Variants in TRHDE observed in about 807,000 individuals in gnomAD.
TRHDE encodes the protein thyrotropin-releasing hormone-degrading ectoenzyme.
In TRHDE, 72 loss-of-function variants were observed where a neutral mutation model predicts 125.7. The ratio of observed to expected loss-of-function variants is 0.57; its 90% CI spans 0.47 to 0.70. The LOEUF (loss-of-function observed/expected upper bound fraction) is 0.70. Among genes scored for constraint, TRHDE ranks in the 30% least tolerant of loss-of-function variants. The pLI is 0.00. For synonymous variants in TRHDE, 509 were observed against 509.1 expected, an observed-to-expected ratio of 1.00 and a Z score of 0.00; for missense variants, 1,110 against 1,327.1, an observed-to-expected ratio of 0.84 and a Z score of 2.54.
intron 15 of TRHDE, among the ~76,000 whole-genome samples, chr12:72,643,375 C>A (rs774729854): frequency 6.6e-6 from 1 of 152,168 alleles, no homozygotes; most frequent in African/African-American, 2.4e-5. Context: ...GATATCTCTG[C>A]TATGTGACGA....
chr12:72,599,743 A>G (rs1872131451), intron 12 of TRHDE, among the ~76,000 whole-genome samples: 1 of 151,840 alleles, frequency 6.6e-6, no homozygotes, highest in Admixed American at 6.6e-5. Context: ...GTCAATTTCT[A>G]TTTTTGTTGC....
chr12:72,351,959 C>T (rs910668374), intron 2 of TRHDE, among the ~76,000 whole-genome samples: 3 of 151,874 alleles, frequency 2.0e-5, no homozygotes, highest in African/African-American at 7.2e-5. Flanking sequence ...CATTCTTCTT[C>T]TGCAGATGTT....
At chr12:72,417,119 T>C (rs1873763770) in intron 3 of TRHDE, among the ~76,000 whole-genome samples, 2 of 152,090 alleles carry the variant, frequency 1.3e-5, no homozygotes, top group Non-Finnish European at 2.9e-5. Flanking sequence ...TTCATTTTAT[T>C]TGTAGCTACT....
intron 12 of TRHDE, among the ~76,000 whole-genome samples, chr12:72,618,367 G>A (rs1417443512): frequency 1.3e-5 from 2 of 152,080 alleles, no homozygotes; most frequent in East Asian, 1.9e-4. Flanking sequence ...TCGGTGTTAT[G>A]GAAAGCAACT....
At chr12:72,564,452 A>G (rs1423520317) in intron 9 of TRHDE, among the ~76,000 whole-genome samples, 1 of 152,158 alleles carries the variant, frequency 6.6e-6, no homozygotes, top group Non-Finnish European at 1.5e-5. Context: ...AGCATCACTG[A>G]TGCAGAAAAA....
intron 12 of TRHDE, among the ~76,000 whole-genome samples, chr12:72,616,360 C>T (rs1872810569): frequency 6.6e-6 from 1 of 151,812 alleles, no homozygotes; most frequent in Non-Finnish European, 1.5e-5. Flanking sequence ...AATTATTTTT[C>T]AGTAGATTAA....
chr12:72,417,183 T>C (rs550293778), intron 3 of TRHDE, among the ~76,000 whole-genome samples: 54 of 152,212 alleles, frequency 3.5e-4, no homozygotes, highest in African/African-American at 4.6e-4. Flanking sequence ...TGTTAGCATA[T>C]AGAAATTCTA....
At chr12:72,595,258 T>TATA (rs35018831) in intron 12 of TRHDE, among the ~76,000 whole-genome samples, 39,763 of 151,050 alleles carry the variant, frequency 0.26, 7,953 homozygotes, top group African/African-American at 0.54. Flanking sequence ...AAACTTAAAG[T>TATA]ATAATAATAA....
rs185747227 is a variant in TRHDE at position 72,331,340 on chromosome 12, C to A, written c.1188+44386C>A. Among the ~76,000 whole-genome samples the A allele has an allele frequency of 2.0e-5, 3 of 152,090 alleles. No homozygotes were observed. The East Asian group carries it at 5.8e-4, about 29-fold the overall frequency. On this transcript the variant is annotated intron_variant, in intron 2 of 18. Transcript: ENST00000261180. Reference sequence around the variant, plus strand: ...TAGCTTGAGTCATATTTTTGACCTGCCCCTGTTTTCCAAGAAAATAATGGA... The same window carrying A: ...TAGCTTGAGTCATATTTTTGACCTGACCCTGTTTTCCAAGAAAATAATGGA...
At position 72,400,045 on chromosome 12, in the gene TRHDE, G is replaced by A. The variant is rs546050519; in HGVS notation, c.1315+21924G>A. Among the ~76,000 whole-genome samples the A allele has an allele frequency of 2.7e-3, 417 of 152,184 alleles. 1 individual carries two copies. The highest frequency in any genetic ancestry group is 4.3e-3 in the Non-Finnish European group (289 of 67,952). ...TTAATCTAATAAATGGGTATCTTAT[G>A]ATTTGTTATATTCTTTTTGTCTAGG... On this transcript the variant is annotated intron_variant, in intron 3 of 18. Transcript: ENST00000261180.
At chr12:72,230,738 G>A (rs2139373985) in intron 2 of TRHDE, among the ~76,000 whole-genome samples, 1 of 152,228 alleles carries the variant, frequency 6.6e-6, no homozygotes, top group East Asian at 1.9e-4. Context: ...AGAGCAGGGA[G>A]ATGCATTTTC....
chr12:72,555,287 C>G (rs1342849484), intron 7 of TRHDE, among the ~76,000 whole-genome samples: 1 of 152,006 alleles, frequency 6.6e-6, no homozygotes, highest in Non-Finnish European at 1.5e-5. Flanking sequence ...GTATACAAAC[C>G]ATGAAAACTG....
At chr12:72,154,976 T>C (rs1171072456) in intron 2 of TRHDE, among the ~76,000 whole-genome samples, 2 of 152,224 alleles carry the variant, frequency 1.3e-5, no homozygotes, top group Non-Finnish European at 2.9e-5. Flanking sequence ...CTGGATAATA[T>C]CCTGAAGAGT....
intron 18 of TRHDE, among the ~76,000 whole-genome samples, chr12:72,662,054 C>G (rs560420666): frequency 6.6e-6 from 1 of 152,194 alleles, no homozygotes; most frequent in Non-Finnish European, 1.5e-5. Flanking sequence ...AAGTTATAAC[C>G]GCATTTTAAC....
chr12:72,209,670 TA>T (rs756617811), intron 2 of TRHDE, among the ~76,000 whole-genome samples: 91 of 152,202 alleles, frequency 6.0e-4, no homozygotes, highest in Non-Finnish European at 1.2e-3. Context: ...TACATTAAAA[TA>T]GGGGTAAACA....
chr12:72,571,421 T>G (rs928757296), intron 10 of TRHDE, among the ~76,000 whole-genome samples: 2 of 152,212 alleles, frequency 1.3e-5, no homozygotes, highest in Non-Finnish European at 2.9e-5. Flanking sequence ...GTGGATAATA[T>G]AAAGTACAAA....
intron 8 of TRHDE, among the ~76,000 whole-genome samples, chr12:72,562,472 TAA>T (rs1870224724): frequency 1.3e-5 from 2 of 151,842 alleles, no homozygotes; most frequent in African/African-American, 2.4e-5. Flanking sequence ...TTCTGAAATA[TAA>T]GTTTAACATG....
chr12:72,537,200 A>G lies in TRHDE; in HGVS notation c.1723-5091A>G, dbSNP rs147374462. On this transcript the variant is annotated intron_variant, in intron 6 of 18. Coordinates refer to ENST00000261180, the MANE Select transcript of TRHDE (RefSeq NM_013381.3). ...ATATTATGGCCTTAGCATGTAGTACAAATAGTTAATGAATGACAGATACAT... is the reference window on the plus strand; with the variant it reads ...ATATTATGGCCTTAGCATGTAGTACGAATAGTTAATGAATGACAGATACAT... Among the ~76,000 whole-genome samples the G allele has an allele frequency of 2.2e-3, 336 of 152,178 alleles. 2 individuals are homozygous for G. The highest frequency in any genetic ancestry group is 7.6e-3 in the African/African-American group (315 of 41,540).
At chr12:72,190,878 T>G (rs1877324555) in intron 2 of TRHDE, among the ~76,000 whole-genome samples, 2 of 152,206 alleles carry the variant, frequency 1.3e-5, no homozygotes, top group African/African-American at 4.8e-5. Context: ...ATATAAAAAT[T>G]TGGAAGCCAC....
Sources: gnomAD v4.1 joint callset for allele counts (sites outside exome capture counted in the v4.1 genomes callset) on GRCh38, gnomAD v4.1.1 for gene constraint, MANE v1.5 for transcripts, NCBI Gene and HGNC (gene_info 2026-07-23, HGNC 2026-07-21) for gene names.